TRDN: variants seen among roughly 807,000 people sequenced by gnomAD.
TRDN encodes triadin.
In TRDN, 161 loss-of-function variants were observed where a neutral mutation model predicts 149.7. The observed-to-expected ratio is 1.08, with a 90% CI of 0.95 to 1.23. The LOEUF (loss-of-function observed/expected upper bound fraction) is 1.23. Ranked by LOEUF, TRDN falls within the 50% of genes most tolerant of loss-of-function variation. TRDN has a pLI of 0.00. For missense variants in TRDN, 896 were observed against 823.5 expected (o/e 1.09, Z -1.08); for synonymous variants, 294 against 250.5 (o/e 1.17, Z -1.64).
intron 24 of TRDN, among the ~76,000 whole-genome samples, chr6:123,286,932 G>T (rs1411155231): frequency 6.6e-6 from 1 of 152,016 alleles, no homozygotes; most frequent in Non-Finnish European, 1.5e-5. Context: ...TGGAGGTGGG[G>T]CCCAGGAATT....
At chr6:123,530,340 CTGAAATTAACTGATATACATTTATAACTG>C (rs1780180006) in intron 5 of TRDN, among the ~76,000 whole-genome samples, 137 bp downstream of exon 5, 1 of 31,128 alleles carries the variant, frequency 3.2e-5, no homozygotes, top group Admixed American at 5.0e-4. Context: ...ACATTTATAA[CTGAAATTAACTGATATACATTTATAACTG>C]AAATTAACTG....
chr6:123,253,546 T>A (rs1776453114), intron 37 of TRDN, among the ~76,000 whole-genome samples: 1 of 152,132 alleles, frequency 6.6e-6, no homozygotes, highest in African/African-American at 2.4e-5. Flanking sequence ...CATGTTATTA[T>A]TTTTTTCTTT....
At chr6:123,600,562 G>C (rs992663646) in intron 1 of TRDN, among the ~76,000 whole-genome samples, 2 of 152,026 alleles carry the variant, frequency 1.3e-5, no homozygotes, top group Admixed American at 1.3e-4. Flanking sequence ...TTATGGGAAA[G>C]GGATGGGGAC....
chr6:123,581,397 C>A (rs943071374), intron 1 of TRDN, among the ~76,000 whole-genome samples: 3 of 152,084 alleles, frequency 2.0e-5, no homozygotes, highest in Non-Finnish European at 4.4e-5. Context: ...CAACAAGGCC[C>A]TAGGTAGGGA....
Position 123,337,680 on chromosome 6 carries a change from G to A in TRDN, c.1370-11C>T, listed in dbSNP as rs9401658. ...TTTCTTTTCTAATTTCTGCAAGAGA[G>A]ATCATGGGAAGAAAAAGTTACAAGG... On this transcript the variant is annotated splice_polypyrimidine_tract_variant and intron_variant, in intron 21 of 40. Transcript: ENST00000334268. The A allele has an allele frequency of 3.5e-6, 5 of 1,430,132 alleles. No individual in the cohort carries two copies. The highest frequency in any genetic ancestry group is 4.7e-6 in the Non-Finnish European group (5 of 1,065,648). The allele number at this position is 1,430,132 out of a possible 1,614,324, so 88.6% of individuals were successfully genotyped here.
In TRDN at chr6:123,261,214, A is replaced by G. The variant is rs531706324; in HGVS notation, c.1805-576T>C. On this transcript the variant is annotated intron_variant, in intron 33 of 40. Transcript: ENST00000334268. ...ATTGGTTTTCTTAGTTACAAATTAT[A>G]AATCTGTTACATTTTTAATCTTCAT... Among the ~76,000 whole-genome samples, 12 of 151,848 alleles carry G rather than the reference A, an allele frequency of 7.9e-5. No individual in the cohort carries two copies. In the East Asian group the frequency reaches 1.4e-3, roughly 17 times the overall value.
intron 26 of TRDN, among the ~76,000 whole-genome samples, chr6:123,275,416 C>T (rs1259686380): frequency 6.6e-6 from 1 of 151,886 alleles, no homozygotes; most frequent in Non-Finnish European, 1.5e-5. Flanking sequence ...CAGAAAACAC[C>T]AGAAGCTAGG....
At chr6:123,561,374 C>A (rs531141531) in intron 2 of TRDN, among the ~76,000 whole-genome samples, 139 of 152,314 alleles carry the variant, frequency 9.1e-4, no homozygotes, top group Non-Finnish European at 1.7e-3. Context: ...CTGGACAATA[C>A]TTTTACCACT....
chr6:123,411,204 G>C (rs1457349147), intron 12 of TRDN, among the ~76,000 whole-genome samples: 1 of 151,644 alleles, frequency 6.6e-6, no homozygotes, highest in Non-Finnish European at 1.5e-5. Flanking sequence ...CCGCCACCAC[G>C]CCCAGCTAAT....
At chr6:123,512,201 T>C in intron 7 of TRDN, 102 bp downstream of exon 7, 1 of 651,892 alleles carries the variant, frequency 1.5e-6, no homozygotes, top group Non-Finnish European at 2.5e-6. Context: ...CTTTTTAATA[T>C]AAATGATAAA....
At chr6:123,550,287 A>G (rs1466447123) in intron 2 of TRDN, among the ~76,000 whole-genome samples, 13 of 151,932 alleles carry the variant, frequency 8.6e-5, no homozygotes, top group African/African-American at 3.1e-4. Flanking sequence ...AGTGACAGGC[A>G]GAGCAGGAGT....
At chr6:123,611,666 T>G (rs1276970952) in intron 1 of TRDN, among the ~76,000 whole-genome samples, 1 of 152,132 alleles carries the variant, frequency 6.6e-6, no homozygotes, top group African/African-American at 2.4e-5. Context: ...AAAGAAAACA[T>G]GGATAAGTCA....
At chr6:123,245,441 A>C (rs755438432) in intron 38 of TRDN, among the ~76,000 whole-genome samples, 18 of 152,140 alleles carry the variant, frequency 1.2e-4, no homozygotes, top group Non-Finnish European at 2.5e-4. Flanking sequence ...AGGGGTAGCA[A>C]ATCCTAGTCT....
intron 1 of TRDN, among the ~76,000 whole-genome samples, chr6:123,607,318 A>G (rs918802867): frequency 6.6e-6 from 1 of 152,210 alleles, no homozygotes; most frequent in African/African-American, 2.4e-5. Context: ...ATTGTGCTGG[A>G]AGGACATAAA....
chr6:123,247,711 G>A (rs114797393), intron 38 of TRDN, among the ~76,000 whole-genome samples: 58 of 152,252 alleles, frequency 3.8e-4, no homozygotes, highest in African/African-American at 1.3e-3. Flanking sequence ...TTCTGGTCAA[G>A]CTACCACAGA....
At chr6:123,570,888 AT>A in intron 2 of TRDN, 34 bp downstream of exon 2, 1 of 1,592,708 alleles carries the variant, frequency 6.3e-7, no homozygotes, top group Non-Finnish European at 8.6e-7. Context: ...ATTTGAATTA[AT>A]TTTAATTTTA....
At chr6:123,470,267 T>C (rs1050277691) in intron 9 of TRDN, 3 of 152,158 alleles carry the variant, frequency 2.0e-5, no homozygotes, top group African/African-American at 7.2e-5. Context: ...AAAAGTGCCT[T>C]GAAGAGACTT....
chr6:123,627,026 T>C lies in TRDN; in HGVS notation c.22+9728A>G, dbSNP rs374472116. ...TCACTGCAGCCTCCACCACCCGGGT[T>C]CAAGTAATTCTCCTGCCTCAGCCTC... On this transcript the variant is annotated intron_variant, in intron 1 of 40. Transcript: ENST00000334268. Among the ~76,000 whole-genome samples, 54 of 152,068 alleles carry C rather than the reference T, an allele frequency of 3.6e-4. 1 individual carries two copies. The East Asian group carries it at 8.9e-3, about 25-fold the overall frequency.
At chr6:123,553,890 G>T (rs2114463836) in intron 2 of TRDN, among the ~76,000 whole-genome samples, 1 of 152,200 alleles carries the variant, frequency 6.6e-6, no homozygotes, top group Middle Eastern at 3.4e-3. Context: ...TTTGGGTGGG[G>T]ACACTATCAA....
Sources: allele counts gnomAD v4.1 joint callset (sites outside exome capture counted in the v4.1 genomes callset), GRCh38; gene constraint gnomAD v4.1.1; transcripts MANE v1.5; gene names NCBI Gene and HGNC (gene_info 2026-07-23, HGNC 2026-07-21).